Variants in RIC1 observed in about 807,000 individuals in gnomAD.
RIC1 encodes the protein guanine nucleotide exchange factor subunit RIC1.
In RIC1, 88 loss-of-function variants were observed where a neutral mutation model predicts 169.0. The ratio of observed to expected loss-of-function variants is 0.52; its 90% CI spans 0.44 to 0.62. The LOEUF is 0.62. Among genes scored for constraint, RIC1 ranks in the 20% least tolerant of loss-of-function variants. The pLI is 0.00. For missense variants in RIC1, 1,877 were observed against 1,725.5 expected (o/e 1.09, Z -1.56); for synonymous variants, 790 against 601.5 (o/e 1.31, Z -4.59).
Position 5,754,828 on chromosome 9 carries a change from T to C in RIC1, c.1603-13T>C, listed in dbSNP as rs750472482. 5.2e-6 allele frequency: 8 copies of C among 1,524,826 alleles called. No homozygotes were observed. The highest frequency in any genetic ancestry group is 3.6e-5 in the Admixed American group (2 of 56,024). 94.5% of individuals were successfully genotyped at this position (1,524,826 alleles called of 1,614,324 possible). On this transcript the variant is annotated splice_polypyrimidine_tract_variant and intron_variant, in intron 14 of 25. Transcript: ENST00000414202. Reference sequence around the variant, plus strand: ...AGCATAAGGTAAATTTTTTAAAAAATTTTTATTTTAAGGAGCAAAATATGA... The same window carrying C: ...AGCATAAGGTAAATTTTTTAAAAAACTTTTATTTTAAGGAGCAAAATATGA...
At chr9:5,637,210 C>T (rs1818012240) in intron 1 of RIC1, among the ~76,000 whole-genome samples, 1 of 151,990 alleles carries the variant, frequency 6.6e-6, no homozygotes, top group Non-Finnish European at 1.5e-5. Context: ...CAGGTGTGCC[C>T]CACTGCACTT....
chr9:5,727,585 G>T (rs1004527184), intron 6 of RIC1, among the ~76,000 whole-genome samples: 10 of 152,154 alleles, frequency 6.6e-5, no homozygotes, highest in African/African-American at 2.2e-4. Flanking sequence ...TCCATTGCTG[G>T]CAAGGAGCTG....
At position 5,772,874 on chromosome 9, in the gene RIC1, G is replaced by C. The variant is rs1269620844; in HGVS notation, c.3795-18G>C. On this transcript the variant is annotated intron_variant, in intron 24 of 25. Transcript: ENST00000414202. ...GATCTTTCTTAGCATAAATCATTTT[G>C]TTTCTGCTTATATTTAGGTATTTGC... 5 of 1,602,568 alleles carry C rather than the reference G, an allele frequency of 3.1e-6. No individual in the cohort carries two copies. The highest frequency in any genetic ancestry group is 4.3e-6 in the Non-Finnish European group (5 of 1,173,502).
chr9:5,638,531 T>C (rs193081569), intron 1 of RIC1, among the ~76,000 whole-genome samples: 1 of 152,346 alleles, frequency 6.6e-6, no homozygotes, highest in African/African-American at 2.4e-5. Context: ...TGTTAGTCTG[T>C]TCAGGTTTTG....
intron 2 of RIC1, among the ~76,000 whole-genome samples, chr9:5,687,670 G>A (rs1821332355): frequency 6.6e-6 from 1 of 152,144 alleles, no homozygotes; most frequent in Non-Finnish European, 1.5e-5. Context: ...TTGGGATCAG[G>A]AAACATATAT....
At chr9:5,693,223 G>C (rs1050870523) in intron 3 of RIC1, among the ~76,000 whole-genome samples, 9 of 152,054 alleles carry the variant, frequency 5.9e-5, no homozygotes, top group Non-Finnish European at 1.0e-4. Flanking sequence ...ATTGTCTCTC[G>C]TTTCTCTTCT....
chr9:5,656,740 C>T (rs371483799), intron 2 of RIC1, 50 bp downstream of exon 2: 93 of 1,037,470 alleles, frequency 9.0e-5, no homozygotes, highest in African/African-American at 1.9e-4. Context: ...ATCATTACAT[C>T]GCATTTAAAT....
At chr9:5,737,480 T>G (rs1824786993) in intron 7 of RIC1, among the ~76,000 whole-genome samples, 1 of 145,438 alleles carries the variant, frequency 6.9e-6, no homozygotes, top group Non-Finnish European at 1.6e-5. Context: ...AATCTGAAAT[T>G]TGTATACATT....
intron 3 of RIC1, among the ~76,000 whole-genome samples, chr9:5,702,781 A>G (rs1302474244): frequency 1.3e-5 from 2 of 152,154 alleles, no homozygotes; most frequent in African/African-American, 4.8e-5. Context: ...TCCTGAGCTC[A>G]GGCATTCTGC....
intron 1 of RIC1, among the ~76,000 whole-genome samples, chr9:5,631,147 C>T (rs1462676439): frequency 6.6e-6 from 1 of 152,158 alleles, no homozygotes; most frequent in Non-Finnish European, 1.5e-5. Context: ...TGTGAATATT[C>T]TTAAGCATGT....
chr9:5,700,445 A>G (rs1822144700), intron 3 of RIC1, among the ~76,000 whole-genome samples: 1 of 152,144 alleles, frequency 6.6e-6, no homozygotes, highest in Non-Finnish European at 1.5e-5. Flanking sequence ...TAGAGCTTCA[A>G]AATAATAACT....
chr9:5,747,291 C>A lies in RIC1; in HGVS notation c.1249-11C>A, dbSNP rs745658702. On this transcript the variant is annotated splice_polypyrimidine_tract_variant and intron_variant, in intron 11 of 25. Transcript: ENST00000414202. ...CTCCTTTGCCCTTTTGTTCCTCTTTCCCTCATTTAGAGTAACCAAGAGCAG... is the reference window on the plus strand; with the variant it reads ...CTCCTTTGCCCTTTTGTTCCTCTTTACCTCATTTAGAGTAACCAAGAGCAG... 6.2e-7 allele frequency: 1 copy of A among 1,609,530 alleles called. No homozygotes were observed.
intron 3 of RIC1, 81 bp from the exon 4 acceptor site, chr9:5,713,815 C>T (rs1823074708): frequency 2.5e-6 from 2 of 799,902 alleles, no homozygotes; most frequent in East Asian, 2.6e-5. Context: ...ATTTCATTTA[C>T]TTTATTTGAT....
At chr9:5,702,892 C>A (rs1267425229) in intron 3 of RIC1, among the ~76,000 whole-genome samples, 2 of 152,174 alleles carry the variant, frequency 1.3e-5, no homozygotes, top group African/African-American at 4.8e-5. Flanking sequence ...AACTTACTAT[C>A]ACAAGAACAG....
intron 1 of RIC1, among the ~76,000 whole-genome samples, chr9:5,650,847 G>T (rs1485205498): frequency 6.6e-6 from 1 of 152,114 alleles, no homozygotes; most frequent in Admixed American, 6.6e-5. Flanking sequence ...TAATACCAGG[G>T]ACTCTGCCAC....
intron 3 of RIC1, among the ~76,000 whole-genome samples, chr9:5,692,944 C>G (rs1022601346): frequency 5.9e-5 from 9 of 152,038 alleles, no homozygotes; most frequent in African/African-American, 2.2e-4. Context: ...GGCAGAGTAA[C>G]TCACCCATAG....
At chr9:5,715,602 C>T (rs1444659499) in intron 4 of RIC1, among the ~76,000 whole-genome samples, 1 of 152,038 alleles carries the variant, frequency 6.6e-6, no homozygotes, top group Non-Finnish European at 1.5e-5. Flanking sequence ...CTCCTGTCAC[C>T]ACAAATATAA....
Position 5,629,360 on chromosome 9 carries a change from C to G in RIC1, c.51C>G (p.Ser17Arg). ...AGAGGCTGCTGTGCCCTCTGGGGAG[C>G]CCGGCCGAGGCGCCTTTCCACGTTC... ...WPKRLLCPLG[S>R]PAEAPFHVQS... The change falls in exon 1 of 26, where the codon AGC becomes AGG. Residue 17 changes from serine to arginine, a missense_variant. Around this residue, in one of 3 missense-constraint regions of RIC1, gnomAD observed 1,104 missense variants for 992.0 expected, o/e 1.11. Transcript: ENST00000414202. 6.5e-7 allele frequency: 1 copy of G among 1,534,264 alleles called. No individual in the cohort carries two copies. The highest frequency in any genetic ancestry group is 1.2e-5 in the South Asian group (1 of 83,740).
intron 6 of RIC1, among the ~76,000 whole-genome samples, chr9:5,730,037 G>A (rs1476197208): frequency 6.6e-6 from 1 of 151,646 alleles, no homozygotes; most frequent in Non-Finnish European, 1.5e-5. Context: ...ATAAGTTAAG[G>A]ATTTAAAAAC....
Sources: allele counts gnomAD v4.1 joint callset (sites outside exome capture counted in the v4.1 genomes callset), GRCh38; gene constraint gnomAD v4.1.1; regional missense constraint gnomAD v4.1.1; transcripts MANE v1.5; gene names NCBI Gene and HGNC (gene_info 2026-07-23, HGNC 2026-07-21).